Variants in PREX2 observed in about 807,000 individuals in gnomAD.
PREX2 encodes the protein phosphatidylinositol 3,4,5-trisphosphate-dependent Rac exchanger 2 protein.
PREX2 carries 107 observed loss-of-function variants against 203.2 expected under a neutral mutation model. The observed-to-expected ratio is 0.53, with a 90% CI of 0.45 to 0.62. The LOEUF (loss-of-function observed/expected upper bound fraction) is 0.62, where lower values mean the gene tolerates loss of function less well. PREX2 is among the 20% of genes least tolerant of loss of function. The pLI is 0.00. For missense variants in PREX2, 1,777 were observed against 1,955.9 expected (o/e 0.91, Z 1.72); for synonymous variants, 672 against 663.6 (o/e 1.01, Z -0.19).
chr8:67,980,539 A>G (rs1004007448), intron 1 of PREX2, among the ~76,000 whole-genome samples: 1 of 152,230 alleles, frequency 6.6e-6, no homozygotes, highest in East Asian at 1.9e-4. Context: ...AAGTGGGAAC[A>G]GTGTTTGGAG....
chr8:67,994,895 T>G (rs6993754), intron 1 of PREX2, among the ~76,000 whole-genome samples: 74,856 of 152,012 alleles, frequency 0.49, 18,809 homozygotes, highest in South Asian at 0.61. Context: ...AGGGGTTAGA[T>G]CCTATAAGAC....
intron 13 of PREX2, among the ~76,000 whole-genome samples, chr8:68,072,092 C>G (rs1809213800): frequency 6.6e-6 from 1 of 152,078 alleles, no homozygotes; most frequent in Non-Finnish European, 1.5e-5. Flanking sequence ...GGCTAATTGA[C>G]ATAAATAAGA....
At chr8:68,127,976 T>G (rs11987317) in intron 31 of PREX2, among the ~76,000 whole-genome samples, 1 of 152,114 alleles carries the variant, frequency 6.6e-6, no homozygotes, top group East Asian at 1.9e-4. Flanking sequence ...AAATAGTGGC[T>G]GGCATATAGA....
chr8:68,183,395 C>G (rs1812123745), intron 35 of PREX2, among the ~76,000 whole-genome samples: 1 of 152,098 alleles, frequency 6.6e-6, no homozygotes, highest in South Asian at 2.1e-4. Context: ...ATTGGCTTGA[C>G]TTTAATGTTT....
intron 34 of PREX2, among the ~76,000 whole-genome samples, chr8:68,152,670 G>A (rs368949968): frequency 2.6e-5 from 4 of 152,142 alleles, no homozygotes; most frequent in South Asian, 2.1e-4. Flanking sequence ...CAGGAGGCCC[G>A]CAGGCTGACT....
intron 18 of PREX2, among the ~76,000 whole-genome samples, chr8:68,084,379 T>TATTC (rs1809621281): frequency 6.6e-6 from 1 of 152,300 alleles, no homozygotes; most frequent in African/African-American, 2.4e-5. Flanking sequence ...GTACATGCAG[T>TATTC]ATTCTTCCCT....
chr8:68,223,944 G>A (rs1813007768), intron 38 of PREX2, among the ~76,000 whole-genome samples: 1 of 152,106 alleles, frequency 6.6e-6, no homozygotes, highest in Non-Finnish European at 1.5e-5. Context: ...CAGAAAAGTG[G>A]TAACACAGAG....
chr8:68,081,309 A>G (rs1191461773), intron 17 of PREX2, among the ~76,000 whole-genome samples: 1 of 152,114 alleles, frequency 6.6e-6, no homozygotes, highest in East Asian at 1.9e-4. Flanking sequence ...GGTGGAGCTC[A>G]GGGTTTGTGC....
intron 25 of PREX2, among the ~76,000 whole-genome samples, chr8:68,110,069 G>A (rs928480163): frequency 6.6e-6 from 1 of 152,108 alleles, no homozygotes; most frequent in African/African-American, 2.4e-5. Context: ...GCAAAATTAT[G>A]TATCTCTAGG....
intron 1 of PREX2, among the ~76,000 whole-genome samples, chr8:67,999,137 A>AAGG (rs1302567189): frequency 6.6e-6 from 1 of 152,152 alleles, no homozygotes; most frequent in Non-Finnish European, 1.5e-5. Flanking sequence ...AGCTAAACTG[A>AAGG]AGGAGATTGA....
At chr8:68,203,498 G>A (rs1563586201) in intron 37 of PREX2, among the ~76,000 whole-genome samples, 1 of 152,122 alleles carries the variant, frequency 6.6e-6, no homozygotes, top group Non-Finnish European at 1.5e-5. Context: ...AGAGAAAGGG[G>A]GATCATGGCA....
At chr8:67,964,873 G>T (rs1805725380) in intron 1 of PREX2, among the ~76,000 whole-genome samples, 1 of 152,170 alleles carries the variant, frequency 6.6e-6, no homozygotes, top group African/African-American at 2.4e-5. Context: ...TCCTATTTGG[G>T]AGAGTGGGGA....
chr8:67,991,041 A>T lies in PREX2; in HGVS notation c.142-26805A>T, dbSNP rs558093150. On this transcript the variant is annotated intron_variant, in intron 1 of 39. Transcript: ENST00000288368. Reference sequence around the variant, plus strand: ...AATGCCATGGAGGGATTCTCAGCTAACCCGATTTGTATGTGTCGGTGAGTT... The same window carrying T: ...AATGCCATGGAGGGATTCTCAGCTATCCCGATTTGTATGTGTCGGTGAGTT... Among the ~76,000 whole-genome samples, 8 of 152,206 alleles carry T rather than the reference A, an allele frequency of 5.3e-5. No individual in the cohort carries two copies. In the South Asian group the frequency reaches 1.7e-3, roughly 32 times the overall value.
At chr8:68,204,678 C>CTTTTTTTTT (rs1192583427) in intron 37 of PREX2, among the ~76,000 whole-genome samples, 81 of 83,396 alleles carry the variant, frequency 9.7e-4, no homozygotes, top group East Asian at 3.4e-3. Flanking sequence ...TTTCTTCTTT[C>CTTTTTTTTT]TTTTTTTTTT....
intron 38 of PREX2, 74 bp from the exon 39 acceptor site, chr8:68,224,485 C>A: frequency 1.7e-6 from 2 of 1,145,480 alleles, no homozygotes; most frequent in Admixed American, 1.7e-5. Flanking sequence ...AAGTATCCTA[C>A]ACACAAATGT....
chr8:68,056,088 C>T, intron 10 of PREX2, 114 bp downstream of exon 10: 2 of 1,066,412 alleles, frequency 1.9e-6, no homozygotes, highest in South Asian at 3.2e-5. Context: ...CTTTTGAAAA[C>T]TTCTTTACAG....
intron 33 of PREX2, among the ~76,000 whole-genome samples, chr8:68,139,907 G>A (rs1202531030): frequency 2.0e-5 from 3 of 152,116 alleles, no homozygotes; most frequent in Non-Finnish European, 4.4e-5. Flanking sequence ...TATAGAATAG[G>A]ATATATTTTC....
chr8:68,005,726 G>T (rs1242211422), intron 1 of PREX2, among the ~76,000 whole-genome samples: 17 of 151,900 alleles, frequency 1.1e-4, no homozygotes, highest in African/African-American at 4.1e-4. Context: ...ATTTTTCTTC[G>T]TAGTATGTAC....
rs1052830330 is a variant in PREX2 at position 68,213,188 on chromosome 8, C to A, written c.4605-4428C>A. On this transcript the variant is annotated intron_variant, in intron 37 of 39. Transcript: ENST00000288368. ...AACCTAGCCTGACTGCATCCCAACTCAACTTTCTTTAGCTCAGTTTCAAAA... is the reference window on the plus strand; with the variant it reads ...AACCTAGCCTGACTGCATCCCAACTAAACTTTCTTTAGCTCAGTTTCAAAA... 2.0e-5 allele frequency among the ~76,000 whole-genome samples: 3 copies of A among 152,320 alleles called. No homozygotes were observed. In the East Asian group the frequency reaches 5.8e-4, roughly 29 times the overall value.
Sources: gnomAD v4.1 joint callset for allele counts (sites outside exome capture counted in the v4.1 genomes callset) on GRCh38, gnomAD v4.1.1 for gene constraint, MANE v1.5 for transcripts, NCBI Gene and HGNC (gene_info 2026-07-23, HGNC 2026-07-21) for gene names.